The following MAP3K2 variants were observed in gnomAD, a reference collection of about 807,000 sequenced individuals.
The protein encoded by MAP3K2 is mitogen-activated protein kinase kinase kinase 2.
MAP3K2 carries 24 observed loss-of-function variants against 80.3 expected under a neutral mutation model. That is an observed-to-expected ratio of 0.30 (90% CI 0.22 to 0.42). MAP3K2 has a LOEUF of 0.42. Ranked by LOEUF, MAP3K2 falls within the 10% of genes least tolerant of loss-of-function variation. The pLI, the probability that MAP3K2 is intolerant of heterozygous loss-of-function variation, is 1.00. For missense variants in MAP3K2, 608 were observed against 750.1 expected (o/e 0.81, Z 2.21); for synonymous variants, 244 against 253.7 (o/e 0.96, Z 0.36).
In MAP3K2 at chr2:127,304,902, A is replaced by G. The variant is rs1162957346; in HGVS notation, c.*2677T>C. On this transcript the variant is annotated 3_prime_UTR_variant, in exon 17 of 17. Coordinates refer to ENST00000682094, the MANE Select transcript of MAP3K2 (RefSeq NM_001371910.2). ...TTGAAATAAATTCACATCGTATTTT[A>G]TATAATAACTCTGTAAACTATTAGT... is the stretch of plus-strand genomic sequence containing the variant. The G allele has an allele frequency of 6.6e-6, 1 of 152,502 alleles. No homozygotes were observed. The highest frequency in any genetic ancestry group is 1.5e-5 in the Non-Finnish European group (1 of 67,994). 9.4% of individuals were successfully genotyped at this position (152,502 alleles called of 1,614,324 possible).
chr2:127,382,494 G>A (rs990397662), intron 1 of MAP3K2, among the ~76,000 whole-genome samples: 1 of 152,130 alleles, frequency 6.6e-6, no homozygotes, highest in Non-Finnish European at 1.5e-5. Flanking sequence ...TTCAGTAGAG[G>A]TATACCTTGT....
At chr2:127,334,035 G>A (rs1686315290) in intron 5 of MAP3K2, among the ~76,000 whole-genome samples, 1 of 152,200 alleles carries the variant, frequency 6.6e-6, no homozygotes, top group African/African-American at 2.4e-5. Context: ...GGGAGGCAAA[G>A]GTTGCAGTGA....
In MAP3K2 at chr2:127,303,738, AAGAT is replaced by A. The variant is rs1246870293; in HGVS notation, c.*3837_*3840del. 2.0e-5 allele frequency: 3 copies of A among 152,142 alleles called. No homozygotes were observed. Among genetic ancestry groups the A allele is most frequent in the African/African-American group, 7.2e-5 (3 of 41,454 alleles). The allele number at this position is 152,142 out of a possible 1,614,324, so 9.4% of individuals were successfully genotyped here. On this transcript the variant is annotated 3_prime_UTR_variant, in exon 17 of 17. Transcript: ENST00000682094. ...ACAAAGAAGATTCATTCTATTAAAAAAGATAGATTTGTATATTTAATTGACACCA... is the reference window on the plus strand; with the variant it reads ...ACAAAGAAGATTCATTCTATTAAAAAAGATTTGTATATTTAATTGACACCA...
intron 2 of MAP3K2, among the ~76,000 whole-genome samples, chr2:127,340,908 T>C (rs1686467193): frequency 6.6e-6 from 1 of 152,136 alleles, no homozygotes; most frequent in African/African-American, 2.4e-5. Flanking sequence ...ATGCTTAATA[T>C]TACAATGTCA....
At chr2:127,324,133 T>C (rs1180187735) in intron 10 of MAP3K2, 41 bp downstream of exon 10, 13 of 1,344,604 alleles carry the variant, frequency 9.7e-6, no homozygotes, top group African/African-American at 3.0e-5. Context: ...CATTATCCAA[T>C]GACATAAACA....
intron 14 of MAP3K2, chr2:127,317,047 A>ACTT (rs1685921099): frequency 2.2e-5 from 3 of 138,984 alleles, no homozygotes; most frequent in Non-Finnish European, 4.6e-5. Flanking sequence ...ATCCATGAGA[A>ACTT]TTTTTTTTTT....
chr2:127,384,868 C>T (rs868851517), intron 1 of MAP3K2, among the ~76,000 whole-genome samples: 6 of 152,016 alleles, frequency 3.9e-5, no homozygotes, highest in Middle Eastern at 6.8e-3. Context: ...AATTCCTTGG[C>T]GCAAGCAATC....
chr2:127,337,400 A>G (rs924624456), intron 4 of MAP3K2, among the ~76,000 whole-genome samples: 1 of 152,204 alleles, frequency 6.6e-6, no homozygotes, highest in Non-Finnish European at 1.5e-5. Context: ...AATGCTATAT[A>G]GTATCTGGAG....
rs547044582 is a variant in MAP3K2, at chr2:127,353,433, G to A, written c.-65-10239C>T. On this transcript the variant is annotated intron_variant, in intron 1 of 16. Coordinates refer to ENST00000682094, the MANE Select transcript of MAP3K2 (RefSeq NM_001371910.2). The stretch of plus-strand genomic sequence containing the variant: ...AGACCCTCCGCCCGGCAGCCGCCCC[G>A]TCTGAGAAGTGAGGAGCCCCTCCGC... 1.1e-4 allele frequency among the ~76,000 whole-genome samples: 16 copies of A among 151,510 alleles called. No homozygotes were observed. The South Asian group carries it at 2.7e-3, about 26-fold the overall frequency.
At chr2:127,318,363 A>T (rs1310228294) in intron 12 of MAP3K2, 46 bp from the exon 13 acceptor site, 1 of 1,476,470 alleles carries the variant, frequency 6.8e-7, no homozygotes, top group East Asian at 2.5e-5. Flanking sequence ...ACAGCACACA[A>T]ATAAATGGTT....
chr2:127,342,926 A>C (rs1234750147), intron 2 of MAP3K2, among the ~76,000 whole-genome samples, 200 bp downstream of exon 2: 2 of 152,212 alleles, frequency 1.3e-5, no homozygotes, highest in Non-Finnish European at 2.9e-5. Flanking sequence ...TTACGCATAA[A>C]ATGATCATTC....
rs1687395628 is a variant in MAP3K2 at position 127,387,681 on chromosome 2, C to T, written c.-295G>A. 6 of 985,132 alleles carry T rather than the reference C, an allele frequency of 6.1e-6. No homozygotes were observed. Among genetic ancestry groups the T allele is most frequent in the Non-Finnish European group, 7.2e-6 (6 of 829,910 alleles). The allele number at this position is 985,132 out of a possible 1,614,324, so 61.0% of individuals were successfully genotyped here. ...GGGCGGGGTGGCGGGCGCGTGAATC[C>T]TCGCAGCCGGCCGGGTCCTCCTGGC... On this transcript the variant is annotated 5_prime_UTR_variant, in exon 1 of 17. Transcript: ENST00000682094.
intron 1 of MAP3K2, among the ~76,000 whole-genome samples, chr2:127,358,351 CG>C (rs1686828973): frequency 1.3e-5 from 2 of 152,112 alleles, no homozygotes; most frequent in Admixed American, 1.3e-4. Flanking sequence ...ATGGTACAAC[CG>C]CTTTGGAAAA....
At chr2:127,357,545 A>G (rs892025104) in intron 1 of MAP3K2, among the ~76,000 whole-genome samples, 19 of 152,208 alleles carry the variant, frequency 1.2e-4, no homozygotes. Flanking sequence ...AAATTCTAAA[A>G]CAAGTTTGAA....
At chr2:127,369,341 G>A (rs1372268413) in intron 1 of MAP3K2, among the ~76,000 whole-genome samples, 5 of 149,916 alleles carry the variant, frequency 3.3e-5, no homozygotes, top group African/African-American at 9.8e-5. Flanking sequence ...TTACAAAACA[G>A]CAAATAATAG....
intron 1 of MAP3K2, among the ~76,000 whole-genome samples, chr2:127,350,468 A>AAG (rs1197275570): frequency 6.6e-6 from 1 of 150,928 alleles, no homozygotes; most frequent in Admixed American, 6.6e-5. Context: ...AAAAAAAAAA[A>AAG]AAAGAAAGAA....
intron 1 of MAP3K2, among the ~76,000 whole-genome samples, chr2:127,343,709 T>C (rs1370262797): frequency 1.3e-5 from 2 of 151,944 alleles, no homozygotes; most frequent in African/African-American, 4.8e-5. Flanking sequence ...AGGGAAAGGA[T>C]AGAGTTACAT....
At chr2:127,338,347 T>A (rs984332830) in intron 3 of MAP3K2, among the ~76,000 whole-genome samples, 2 of 152,158 alleles carry the variant, frequency 1.3e-5, no homozygotes, top group African/African-American at 4.8e-5. Flanking sequence ...TTTTTTAACT[T>A]TTAAGTTCAG....
At chr2:127,383,065 G>A (rs1213931707) in intron 1 of MAP3K2, among the ~76,000 whole-genome samples, 1 of 152,220 alleles carries the variant, frequency 6.6e-6, no homozygotes, top group African/African-American at 2.4e-5. Context: ...CTTGGCAAGA[G>A]CAGGAGCAAG....
Sources: allele counts gnomAD v4.1 joint callset (sites outside exome capture counted in the v4.1 genomes callset), GRCh38; gene constraint gnomAD v4.1.1; transcripts MANE v1.5; gene names NCBI Gene and HGNC (gene_info 2026-07-23, HGNC 2026-07-21).